Variants in DPP10 observed in about 807,000 individuals in gnomAD.
The protein encoded by DPP10 is dipeptidyl peptidase like 10.
In DPP10, 33 loss-of-function variants were observed where a neutral mutation model predicts 120.9. The observed-to-expected ratio is 0.27, with a 90% CI of 0.21 to 0.37. The LOEUF is 0.37. DPP10 is among the 10% of genes least tolerant of loss of function. The pLI, the probability that DPP10 is intolerant of heterozygous loss-of-function variation, is 1.00. For missense variants in DPP10, 816 were observed against 942.8 expected, an observed-to-expected ratio of 0.87 and a Z score of 1.76; for synonymous variants, 337 against 326.1, an observed-to-expected ratio of 1.03 and a Z score of -0.36.
intron 1 of DPP10, among the ~76,000 whole-genome samples, chr2:114,772,662 C>CTTT (rs34802599): frequency 1.4e-5 from 2 of 145,342 alleles, no homozygotes; most frequent in African/African-American, 5.0e-5. Context: ...CACCTCATAC[C>CTTT]TTTTTTTTTT....
At chr2:114,532,332 A>G (rs1327241860) in intron 1 of DPP10, among the ~76,000 whole-genome samples, 1 of 145,802 alleles carries the variant, frequency 6.9e-6, no homozygotes, top group Non-Finnish European at 1.5e-5. Context: ...CACACCATAT[A>G]TATCTCTCTA....
intron 3 of DPP10, among the ~76,000 whole-genome samples, chr2:115,382,559 C>T (rs1220389493): frequency 6.6e-6 from 1 of 152,204 alleles, no homozygotes; most frequent in Non-Finnish European, 1.5e-5. Flanking sequence ...GGAGCTGTTC[C>T]TATTCGGCCA....
intron 3 of DPP10, among the ~76,000 whole-genome samples, chr2:115,499,030 A>C (rs1457023437): frequency 1.3e-5 from 2 of 152,096 alleles, no homozygotes; most frequent in Non-Finnish European, 2.9e-5. Context: ...GATGCTGAAT[A>C]GGAATTCAGT....
chr2:114,825,860 T>G (rs1312461222), intron 1 of DPP10, among the ~76,000 whole-genome samples: 2 of 152,202 alleles, frequency 1.3e-5, no homozygotes, highest in African/African-American at 4.8e-5. Flanking sequence ...TGTAAGGTTG[T>G]GATCAGCTTC....
chr2:114,771,911 C>T (rs1681297003), intron 1 of DPP10, among the ~76,000 whole-genome samples: 2 of 152,112 alleles, frequency 1.3e-5, no homozygotes, highest in African/African-American at 4.8e-5. Flanking sequence ...CGTCTTGAAA[C>T]ACCCTTTACT....
At chr2:115,442,220 A>G (rs961673884) in intron 3 of DPP10, among the ~76,000 whole-genome samples, 6 of 152,024 alleles carry the variant, frequency 3.9e-5, no homozygotes, top group African/African-American at 1.2e-4. Flanking sequence ...GTTTTAACCA[A>G]TTAGTTTTGG....
intron 1 of DPP10, among the ~76,000 whole-genome samples, chr2:114,706,163 G>A (rs1700673913): frequency 6.6e-6 from 1 of 152,184 alleles, no homozygotes; most frequent in Non-Finnish European, 1.5e-5. Context: ...CATATCTTTT[G>A]ATTCCAAAGT....
At chr2:115,370,823 G>A (rs762357393) in intron 3 of DPP10, among the ~76,000 whole-genome samples, 1 of 151,872 alleles carries the variant, frequency 6.6e-6, no homozygotes, top group South Asian at 2.1e-4. Flanking sequence ...TTTGGGGTAC[G>A]CGTTAAGTAT....
chr2:114,978,475 A>G (rs1699886316), intron 1 of DPP10, among the ~76,000 whole-genome samples: 1 of 152,136 alleles, frequency 6.6e-6, no homozygotes, highest in African/African-American at 2.4e-5. Context: ...CAGGGAAAGT[A>G]GTAGTTGGTG....
chr2:114,726,416 T>C (rs962462011), intron 1 of DPP10, among the ~76,000 whole-genome samples: 2 of 152,136 alleles, frequency 1.3e-5, no homozygotes, highest in African/African-American at 4.8e-5. Context: ...ATTCACACTT[T>C]TATTCGTTGT....
chr2:114,546,298 G>C (rs1160163859), intron 1 of DPP10, among the ~76,000 whole-genome samples: 1 of 152,104 alleles, frequency 6.6e-6, no homozygotes, highest in Non-Finnish European at 1.5e-5. Context: ...TACATGACTT[G>C]GTGTTGAAAG....
At chr2:115,303,949 A>G (rs2061254304) in intron 1 of DPP10, among the ~76,000 whole-genome samples, 1 of 152,034 alleles carries the variant, frequency 6.6e-6, no homozygotes, top group Non-Finnish European at 1.5e-5. Context: ...GGTATCTTTT[A>G]AAGTTTTAAC....
intron 1 of DPP10, among the ~76,000 whole-genome samples, chr2:114,687,639 A>G (rs982914560): frequency 2.6e-5 from 4 of 152,016 alleles, no homozygotes; most frequent in African/African-American, 9.7e-5. Flanking sequence ...AAGGATGAAC[A>G]GCTGTTCTGA....
At chr2:115,667,355 A>G (rs554419561) in intron 5 of DPP10, among the ~76,000 whole-genome samples, 1 of 151,986 alleles carries the variant, frequency 6.6e-6, no homozygotes, top group Non-Finnish European at 1.5e-5. Flanking sequence ...GTTTAATTAA[A>G]TCTCACTTGT....
chr2:115,488,890 A>T (rs1186976573), intron 3 of DPP10, among the ~76,000 whole-genome samples: 7 of 151,274 alleles, frequency 4.6e-5, no homozygotes, highest in East Asian at 1.9e-4. Context: ...TAAAAAAAAA[A>T]AAAAAAAAAA....
chr2:115,292,818 A>G (rs998367456), intron 1 of DPP10, among the ~76,000 whole-genome samples: 2 of 152,142 alleles, frequency 1.3e-5, no homozygotes, highest in African/African-American at 4.8e-5. Context: ...CCCATGGCAT[A>G]TTAGGATGTG....
At chr2:115,429,507 T>C (rs1220441325) in intron 3 of DPP10, among the ~76,000 whole-genome samples, 3 of 152,126 alleles carry the variant, frequency 2.0e-5, no homozygotes, top group African/African-American at 4.8e-5. Context: ...TAAGAAGAGC[T>C]CAAAAGAAGA....
intron 1 of DPP10, among the ~76,000 whole-genome samples, chr2:115,106,605 G>A (rs540190384): frequency 2.0e-5 from 3 of 151,844 alleles, no homozygotes; most frequent in African/African-American, 4.8e-5. Context: ...GGACTACAGC[G>A]CATGCCACCA....
rs982008380 is a variant in DPP10 at position 115,611,298 on chromosome 2, G to A, written c.442-78389G>A. On this transcript the variant is annotated intron_variant, in intron 5 of 25. Transcript: ENST00000410059. Reference sequence around the variant, plus strand: ...AATTTGGAAACATATTTCAAAAACCGAATCTTAATCTATGCAATGAACATA... The same window carrying A: ...AATTTGGAAACATATTTCAAAAACCAAATCTTAATCTATGCAATGAACATA... Among the ~76,000 whole-genome samples, 7 of 152,254 alleles carry A rather than the reference G, an allele frequency of 4.6e-5. No individual in the cohort carries two copies. In the East Asian group the frequency reaches 5.8e-4, roughly 13 times the overall value.
Sources: allele counts gnomAD v4.1 joint callset (sites outside exome capture counted in the v4.1 genomes callset), GRCh38; gene constraint gnomAD v4.1.1; transcripts MANE v1.5; gene names NCBI Gene and HGNC (gene_info 2026-07-23, HGNC 2026-07-21).